Variants in ARHGAP22 observed in about 807,000 individuals in gnomAD.
ARHGAP22 encodes the protein rho GTPase-activating protein 22.
In ARHGAP22, 48 loss-of-function variants were observed where a neutral mutation model predicts 59.1. The ratio of observed to expected loss-of-function variants is 0.81; its 90% CI spans 0.64 to 1.03. The LOEUF is 1.03. Ranked by LOEUF, ARHGAP22 falls within the 50% of genes least tolerant of loss-of-function variation. The probability of loss-of-function intolerance (pLI) is 0.00; values close to 1 mark genes in which losing one functional copy is unlikely to be tolerated. For synonymous variants in ARHGAP22, 445 were observed against 416.4 expected, an observed-to-expected ratio of 1.07 and a Z score of -0.84; for missense variants, 1,015 against 958.7, an observed-to-expected ratio of 1.06 and a Z score of -0.78.
At chr10:48,541,203 A>C (rs1367798059) in intron 3 of ARHGAP22, among the ~76,000 whole-genome samples, 1 of 152,062 alleles carries the variant, frequency 6.6e-6, no homozygotes, top group Non-Finnish European at 1.5e-5. Context: ...GAGGCTCTGT[A>C]CTTGGGTTTG....
intron 8 of ARHGAP22, among the ~76,000 whole-genome samples, chr10:48,452,938 G>A (rs1480572859): frequency 6.6e-6 from 1 of 152,202 alleles, no homozygotes; most frequent in Admixed American, 6.5e-5. Flanking sequence ...AGGAACCTAT[G>A]ACAATTGCTT....
chr10:48,558,341 T>TG (rs975538018), intron 2 of ARHGAP22, among the ~76,000 whole-genome samples: 7 of 41,268 alleles, frequency 1.7e-4, no homozygotes, highest in African/African-American at 5.0e-4. Flanking sequence ...CGATTTAATG[T>TG]TTTTTTTTTG....
At chr10:48,496,899 C>T (rs1011494099) in intron 3 of ARHGAP22, among the ~76,000 whole-genome samples, 1 of 152,068 alleles carries the variant, frequency 6.6e-6, no homozygotes, top group Admixed American at 6.5e-5. Context: ...GCCACTGGGC[C>T]GTGAGCTACT....
intron 3 of ARHGAP22, chr10:48,493,398 T>G: frequency 6.6e-7 from 1 of 1,516,814 alleles, no homozygotes. Context: ...TCTCCCAGCC[T>G]GGTCCTCACA....
intron 2 of ARHGAP22, among the ~76,000 whole-genome samples, chr10:48,562,471 C>T (rs1450373506): frequency 6.6e-6 from 1 of 152,160 alleles, no homozygotes; most frequent in Non-Finnish European, 1.5e-5. Flanking sequence ...AATGAATGAA[C>T]TCTTAATGCA....
chr10:48,655,028 T>C (rs1178912270), upstream of ARHGAP22, among the ~76,000 whole-genome samples: 9 of 58,750 alleles, frequency 1.5e-4, no homozygotes, highest in African/African-American at 6.4e-4. Flanking sequence ...CTTTCTTTCT[T>C]TCATTCTTTC....
At chr10:48,610,038 G>C (rs1367393376), upstream of ARHGAP22, among the ~76,000 whole-genome samples, 1 of 152,174 alleles carries the variant, frequency 6.6e-6, no homozygotes, top group Non-Finnish European at 1.5e-5. Context: ...CTCTGTCATA[G>C]AGGGAATGGC....
intron 6 of ARHGAP22, among the ~76,000 whole-genome samples, chr10:48,454,506 C>T (rs2046300841): frequency 6.6e-6 from 1 of 152,200 alleles, no homozygotes. Context: ...GGCAAACAGT[C>T]CTTCCCTGGC....
At chr10:48,532,766 C>T (rs2134976595) in intron 3 of ARHGAP22, 1 of 151,668 alleles carries the variant, frequency 6.6e-6, no homozygotes, top group South Asian at 2.1e-4. Context: ...TGATAGTTTG[C>T]TGAGAATGAT....
intron 1 of ARHGAP22, among the ~76,000 whole-genome samples, chr10:48,591,207 A>G (rs1207888128): frequency 6.6e-6 from 1 of 152,218 alleles, no homozygotes; most frequent in Non-Finnish European, 1.5e-5. Flanking sequence ...ACTCAAAAAG[A>G]AATGAAGCCT....
chr10:48,431,729 C>G, the ARHGAP22 span, among the ~76,000 whole-genome samples: 4 of 152,222 alleles, frequency 2.6e-5, no homozygotes, highest in Middle Eastern at 3.4e-3. Context: ...AGAAAGTATT[C>G]TTTCTCTAAG....
chr10:48,435,130 C>A, the ARHGAP22 span: 1 of 929,948 alleles, frequency 1.1e-6, no homozygotes, highest in Non-Finnish European at 1.5e-6. Flanking sequence ...GGTGATTTTT[C>A]AAAAAATGTA....
chr10:48,561,553 A>G (rs2057689194), intron 2 of ARHGAP22, among the ~76,000 whole-genome samples: 1 of 152,220 alleles, frequency 6.6e-6, no homozygotes, highest in East Asian at 1.9e-4. Context: ...GAAAAGACAA[A>G]TTACATACTA....
At chr10:48,525,549 G>A (rs1390139911) in intron 3 of ARHGAP22, among the ~76,000 whole-genome samples, 3 of 152,174 alleles carry the variant, frequency 2.0e-5, no homozygotes, top group Non-Finnish European at 4.4e-5. Flanking sequence ...CTCCAGCCTG[G>A]GTGACAGAGC....
intron 1 of ARHGAP22, among the ~76,000 whole-genome samples, chr10:48,611,446 C>A (rs2060881271): frequency 6.6e-6 from 1 of 152,150 alleles, no homozygotes. Context: ...GCATCAGCTG[C>A]CCAGGCTCCA....
At chr10:48,567,953 C>A (rs2058151928) in intron 2 of ARHGAP22, among the ~76,000 whole-genome samples, 1 of 152,176 alleles carries the variant, frequency 6.6e-6, no homozygotes, top group Admixed American at 6.5e-5. Context: ...GATCACCTGG[C>A]CACATGAACA....
At chr10:48,565,938 C>T (rs1467253501) in intron 2 of ARHGAP22, among the ~76,000 whole-genome samples, 1 of 152,172 alleles carries the variant, frequency 6.6e-6, no homozygotes, top group Non-Finnish European at 1.5e-5. Flanking sequence ...AAGGCAGGGC[C>T]CTGCTTCCTA....
Position 48,450,807 on chromosome 10 carries a change from CT to C in ARHGAP22, c.1321del (p.Ser441AlafsTer22). 1.3e-6 allele frequency: 2 copies of C among 1,579,332 alleles called. No individual in the cohort carries two copies. The highest frequency in any genetic ancestry group is 1.7e-6 in the Non-Finnish European group (2 of 1,163,308). On this transcript the variant is annotated frameshift_variant, in exon 9 of 10. Coordinates refer to ENST00000249601, the MANE Select transcript of ARHGAP22 (RefSeq NM_021226.4). LOFTEE classifies it high-confidence loss of function. ...SFRQPRSLSG[S>X]PKGGGSSLEV... ...CAGGGATGAGCCGCCCCCCTTCGGG[CT>C]TCCCGATAGGGACCTCGGCTGCCGG... is the stretch of plus-strand genomic sequence containing the variant.
chr10:48,509,377 G>A (rs2052517560), intron 3 of ARHGAP22, among the ~76,000 whole-genome samples: 1 of 152,252 alleles, frequency 6.6e-6, no homozygotes, highest in Admixed American at 6.5e-5. Flanking sequence ...GGCCAGAACA[G>A]GATGCCAGGC....
Sources: allele counts gnomAD v4.1 joint callset (sites outside exome capture counted in the v4.1 genomes callset), GRCh38; gene constraint gnomAD v4.1.1; transcripts MANE v1.5; gene names NCBI Gene and HGNC (gene_info 2026-07-23, HGNC 2026-07-21).